Variants in NR3C2 observed in about 807,000 individuals in gnomAD.
The protein encoded by NR3C2 is nuclear receptor subfamily 3 group C member 2.
In NR3C2, 15 loss-of-function variants were observed where a neutral mutation model predicts 86.4. The ratio of observed to expected loss-of-function variants is 0.17; its 90% CI spans 0.12 to 0.27. The LOEUF is 0.27. NR3C2 is among the 10% of genes least tolerant of loss of function. The pLI is 1.00. For synonymous variants in NR3C2, 458 were observed against 450.5 expected, an observed-to-expected ratio of 1.02 and a Z score of -0.21; for missense variants, 960 against 1,195.6, an observed-to-expected ratio of 0.80 and a Z score of 2.91.
intron 2 of NR3C2, among the ~76,000 whole-genome samples, chr4:148,331,908 G>A (rs930116485): frequency 6.6e-6 from 1 of 152,112 alleles, no homozygotes; most frequent in African/African-American, 2.4e-5. Context: ...GGTTGAAGAG[G>A]TGCAGTAAGA....
intron 3 of NR3C2, among the ~76,000 whole-genome samples, chr4:148,235,580 T>C (rs1738709843): frequency 6.6e-6 from 1 of 152,218 alleles, no homozygotes; most frequent in Non-Finnish European, 1.5e-5. Context: ...TGTATTTTTT[T>C]CACTTTTAAC....
chr4:148,382,360 A>G (rs370306383), intron 2 of NR3C2, among the ~76,000 whole-genome samples: 30 of 152,314 alleles, frequency 2.0e-4, no homozygotes, highest in African/African-American at 6.7e-4. Flanking sequence ...TGCACTTAAT[A>G]TCTAATATTA....
At chr4:148,398,053 G>T (rs1463294305) in intron 2 of NR3C2, among the ~76,000 whole-genome samples, 1 of 152,022 alleles carries the variant, frequency 6.6e-6, no homozygotes, top group Non-Finnish European at 1.5e-5. Flanking sequence ...ATTGTCATAT[G>T]GTTTCCCCTG....
chr4:148,358,729 C>T (rs1169989289), intron 2 of NR3C2, among the ~76,000 whole-genome samples: 1 of 151,956 alleles, frequency 6.6e-6, no homozygotes, highest in Non-Finnish European at 1.5e-5. Context: ...AAGTAGTAGT[C>T]TTAGAATCTC....
chr4:148,395,375 C>T (rs1161821067), intron 2 of NR3C2, among the ~76,000 whole-genome samples: 2 of 152,100 alleles, frequency 1.3e-5, no homozygotes, highest in African/African-American at 2.4e-5. Context: ...GATGAATCCT[C>T]ACTCTGGGTT....
At chr4:148,252,783 T>G (rs1433080973) in intron 3 of NR3C2, among the ~76,000 whole-genome samples, 1 of 152,200 alleles carries the variant, frequency 6.6e-6, no homozygotes, top group Non-Finnish European at 1.5e-5. Context: ...GGCTCAGTTT[T>G]TCCCTCTCTT....
intron 8 of NR3C2, among the ~76,000 whole-genome samples, chr4:148,102,419 C>A (rs1193716099): frequency 1.3e-5 from 2 of 152,208 alleles, no homozygotes; most frequent in Non-Finnish European, 1.5e-5. Context: ...AAATCCTGTA[C>A]GTCCTAAACA....
At chr4:148,241,916 A>G (rs952949765) in intron 3 of NR3C2, among the ~76,000 whole-genome samples, 2 of 152,214 alleles carry the variant, frequency 1.3e-5, no homozygotes, top group African/African-American at 4.8e-5. Flanking sequence ...TATTAAGAAC[A>G]TTATGCTAAG....
chr4:148,240,252 T>A (rs13139638), intron 3 of NR3C2, among the ~76,000 whole-genome samples: 1 of 147,688 alleles, frequency 6.8e-6, no homozygotes, highest in Non-Finnish European at 1.5e-5. Flanking sequence ...ATATATATAT[T>A]TATATATAAA....
intron 7 of NR3C2, 95 bp from the exon 8 acceptor site, chr4:148,114,356 A>G: frequency 1.5e-6 from 2 of 1,323,140 alleles, no homozygotes; most frequent in South Asian, 2.5e-5. Context: ...GAGGTTAGAT[A>G]CTAAATCTCA....
chr4:148,428,799 G>T (rs1749668247), intron 2 of NR3C2, among the ~76,000 whole-genome samples: 1 of 151,934 alleles, frequency 6.6e-6, no homozygotes, highest in Admixed American at 6.6e-5. Flanking sequence ...TCTTAACAAG[G>T]CTCTTTATAC....
intron 4 of NR3C2, among the ~76,000 whole-genome samples, chr4:148,156,239 C>A (rs1379319396): frequency 1.6e-4 from 25 of 152,184 alleles, no homozygotes; most frequent in Non-Finnish European, 1.6e-4. Context: ...AAGCAATGGC[C>A]ACAAAAGCCA....
At chr4:148,358,464 G>A (rs1428504540) in intron 2 of NR3C2, among the ~76,000 whole-genome samples, 2 of 126,518 alleles carry the variant, frequency 1.6e-5, no homozygotes, top group Non-Finnish European at 3.3e-5. Flanking sequence ...CACTCTGGGG[G>A]CTGTGGTGGG....
At chr4:148,438,671 T>C (rs939099432) in intron 1 of NR3C2, among the ~76,000 whole-genome samples, 1 of 152,218 alleles carries the variant, frequency 6.6e-6, no homozygotes, top group African/African-American at 2.4e-5. Flanking sequence ...AAAATAATGC[T>C]ACTAAATAAA....
chr4:148,278,987 C>T (rs1741101755), intron 2 of NR3C2, among the ~76,000 whole-genome samples: 1 of 151,972 alleles, frequency 6.6e-6, no homozygotes, highest in Admixed American at 6.6e-5. Flanking sequence ...CATAGTGAAA[C>T]CCCGTCCCTA....
intron 2 of NR3C2, among the ~76,000 whole-genome samples, chr4:148,279,720 GTTATT>G (rs911076113): frequency 5.8e-4 from 88 of 152,026 alleles, no homozygotes; most frequent in African/African-American, 1.9e-3. Flanking sequence ...GTTTAAAGTA[GTTATT>G]TTATTTTATT....
intron 8 of NR3C2, among the ~76,000 whole-genome samples, chr4:148,087,128 TAGAC>T (rs1431834209): frequency 1.3e-5 from 2 of 152,092 alleles, no homozygotes; most frequent in Non-Finnish European, 2.9e-5. Flanking sequence ...ACACCAATAA[TAGAC>T]AAACAGCCAA....
At chr4:148,110,143 T>C (rs1274190557) in intron 8 of NR3C2, among the ~76,000 whole-genome samples, 1 of 152,222 alleles carries the variant, frequency 6.6e-6, no homozygotes, top group Non-Finnish European at 1.5e-5. Context: ...GTTTGAAATA[T>C]TTTTTTGGGG....
intron 2 of NR3C2, chr4:148,368,242 G>A (rs1370014547): frequency 6.6e-6 from 1 of 152,182 alleles, no homozygotes; most frequent in Non-Finnish European, 1.5e-5. Flanking sequence ...AACCCCAGCT[G>A]AGATTCTTGC....
Sources: gnomAD v4.1 joint callset for allele counts (sites outside exome capture counted in the v4.1 genomes callset) on GRCh38, gnomAD v4.1.1 for gene constraint, MANE v1.5 for transcripts, NCBI Gene and HGNC (gene_info 2026-07-23, HGNC 2026-07-21) for gene names.